The following L3MBTL4 variants were observed in gnomAD, a reference collection of about 807,000 sequenced individuals.
L3MBTL4 encodes the protein L3MBTL histone methyl-lysine binding protein 4.
Under a neutral mutation model 84.5 loss-of-function variants are expected in L3MBTL4, and 70 were observed. The observed-to-expected ratio is 0.83, with a 90% CI of 0.68 to 1.01. L3MBTL4 has a LOEUF of 1.01. Among genes scored for constraint, L3MBTL4 ranks in the 50% least tolerant of loss-of-function variants. The pLI is 0.00. For synonymous variants in L3MBTL4, 274 were observed against 259.8 expected (o/e 1.05, Z -0.52); for missense variants, 715 against 754.8 (o/e 0.95, Z 0.62).
intron 3 of L3MBTL4, among the ~76,000 whole-genome samples, chr18:6,310,162 G>C (rs970580390): frequency 1.3e-5 from 2 of 152,164 alleles, no homozygotes; most frequent in African/African-American, 4.8e-5. Flanking sequence ...GAGTCTCCTC[G>C]TGCTCTGATT....
At chr18:6,299,150 G>A (rs1787824974) in intron 4 of L3MBTL4, among the ~76,000 whole-genome samples, 1 of 152,126 alleles carries the variant, frequency 6.6e-6, no homozygotes, top group Admixed American at 6.5e-5. Flanking sequence ...CCTTCTCTTA[G>A]AGCTATCTTA....
intron 16 of L3MBTL4, among the ~76,000 whole-genome samples, chr18:5,992,900 C>G (rs532882752): frequency 7.2e-4 from 110 of 152,290 alleles, no homozygotes; most frequent in African/African-American, 2.6e-3. Context: ...TACTCAGTCT[C>G]TGGTATTTCC....
intron 1 of L3MBTL4, among the ~76,000 whole-genome samples, chr18:6,344,437 G>A (rs539535729): frequency 2.0e-5 from 3 of 152,252 alleles, no homozygotes; most frequent in Middle Eastern, 3.4e-3. Context: ...TGGTCACTTC[G>A]TTGGTAAATT....
rs1312298678 is a variant in L3MBTL4 at position 5,955,498 on chromosome 18, G to A, written c.*722C>T. 6.6e-6 allele frequency: 1 copy of A among 152,284 alleles called. No homozygotes were observed. Among genetic ancestry groups the A allele is most frequent in the Non-Finnish European group, 1.5e-5 (1 of 68,106 alleles). 9.4% of individuals were successfully genotyped at this position (152,284 alleles called of 1,614,324 possible). On this transcript the variant is annotated 3_prime_UTR_variant, in exon 19 of 19. Coordinates refer to ENST00000317931, the MANE Select transcript of L3MBTL4 (RefSeq NM_001330559.2). Reference sequence around the variant, plus strand: ...GTCCCCTGAGGCCCCGCTGATGGTGGAGGGTCCTCAGAAGGGTCTCTCCAG... The same window carrying A: ...GTCCCCTGAGGCCCCGCTGATGGTGAAGGGTCCTCAGAAGGGTCTCTCCAG...
chr18:6,354,936 A>G (rs542765316), intron 1 of L3MBTL4, among the ~76,000 whole-genome samples: 1 of 152,326 alleles, frequency 6.6e-6, no homozygotes, highest in East Asian at 1.9e-4. Context: ...TGCTGGGTAT[A>G]TACCCAAAAG....
chr18:6,049,114 C>T (rs1019483241), intron 16 of L3MBTL4, among the ~76,000 whole-genome samples: 3 of 151,832 alleles, frequency 2.0e-5, no homozygotes, highest in East Asian at 1.9e-4. Context: ...AGGAAGACCC[C>T]GTTCTCCAAA....
chr18:6,002,640 T>C (rs906491936), intron 16 of L3MBTL4, among the ~76,000 whole-genome samples: 1 of 151,946 alleles, frequency 6.6e-6, no homozygotes, highest in Admixed American at 6.6e-5. Context: ...AATTTTAGGG[T>C]GTTAAGTGTA....
intron 14 of L3MBTL4, among the ~76,000 whole-genome samples, chr18:6,101,060 T>C (rs1224361164): frequency 6.6e-6 from 1 of 152,232 alleles, no homozygotes; most frequent in Non-Finnish European, 1.5e-5. Context: ...TGAAGGTGTT[T>C]CCTGGGGTGT....
chr18:6,271,045 G>C (rs959420552), intron 4 of L3MBTL4, among the ~76,000 whole-genome samples: 1 of 152,176 alleles, frequency 6.6e-6, no homozygotes, highest in East Asian at 1.9e-4. Flanking sequence ...CAGAGCCCGC[G>C]GGGCATGAGG....
intron 1 of L3MBTL4, among the ~76,000 whole-genome samples, chr18:6,407,903 G>A (rs115663363): frequency 0.01 from 1,588 of 152,250 alleles, 25 homozygotes; most frequent in African/African-American, 0.036. Context: ...GTAGGAAAGC[G>A]CACAGTATGT....
At chr18:6,116,757 G>A (rs997110350) in intron 14 of L3MBTL4, among the ~76,000 whole-genome samples, 3 of 152,134 alleles carry the variant, frequency 2.0e-5, no homozygotes, top group African/African-American at 7.2e-5. Context: ...CAAATAAAAA[G>A]GCATAATACA....
chr18:6,371,324 A>G (rs1347848185), intron 1 of L3MBTL4, among the ~76,000 whole-genome samples: 2 of 152,194 alleles, frequency 1.3e-5, no homozygotes, highest in South Asian at 2.1e-4. Context: ...GAACACACAG[A>G]GCGGAGTTCT....
At chr18:6,271,598 G>C (rs2146475967) in intron 4 of L3MBTL4, among the ~76,000 whole-genome samples, 2 of 152,342 alleles carry the variant, frequency 1.3e-5, no homozygotes, top group South Asian at 4.1e-4. Context: ...TCTACGATAA[G>C]TGTACGTAAT....
At chr18:6,183,945 C>T (rs2044602321) in intron 12 of L3MBTL4, among the ~76,000 whole-genome samples, 1 of 150,708 alleles carries the variant, frequency 6.6e-6, no homozygotes, top group Non-Finnish European at 1.5e-5. Flanking sequence ...GCAAAATTTC[C>T]CCTAATAGAA....
chr18:6,400,905 G>A (rs572911335), intron 1 of L3MBTL4, among the ~76,000 whole-genome samples: 4 of 152,234 alleles, frequency 2.6e-5, no homozygotes, highest in South Asian at 2.1e-4. Flanking sequence ...AGCAACTGAC[G>A]CAAAACCTAA....
chr18:6,402,531 C>A (rs991406980), intron 1 of L3MBTL4, among the ~76,000 whole-genome samples: 1 of 152,140 alleles, frequency 6.6e-6, no homozygotes, highest in Admixed American at 6.5e-5. Context: ...ATCTACAAGG[C>A]AGCCCATTCC....
chr18:6,175,650 T>C (rs777701537), intron 12 of L3MBTL4, among the ~76,000 whole-genome samples: 10 of 152,184 alleles, frequency 6.6e-5, no homozygotes, highest in Non-Finnish European at 1.2e-4. Context: ...CAATGACAAA[T>C]ACTTCAGTAA....
intron 13 of L3MBTL4, among the ~76,000 whole-genome samples, chr18:6,170,976 T>C (rs2043945108): frequency 6.6e-6 from 1 of 152,224 alleles, no homozygotes; most frequent in Non-Finnish European, 1.5e-5. Context: ...TTTGATTTTG[T>C]AGTTTTTGAA....
chr18:6,377,958 T>C (rs1327238187), intron 1 of L3MBTL4, among the ~76,000 whole-genome samples: 1 of 152,208 alleles, frequency 6.6e-6, no homozygotes, highest in African/African-American at 2.4e-5. Context: ...CATTCCTATT[T>C]CTCCACATCC....
Sources: allele counts gnomAD v4.1 joint callset (sites outside exome capture counted in the v4.1 genomes callset), GRCh38; gene constraint gnomAD v4.1.1; transcripts MANE v1.5; gene names NCBI Gene and HGNC (gene_info 2026-07-23, HGNC 2026-07-21).